The following TAB2 variants were observed in gnomAD, a reference collection of about 807,000 sequenced individuals.
The protein encoded by TAB2 is TGF-beta-activated kinase 1 and MAP3K7-binding protein 2.
Under a neutral mutation model 65.0 loss-of-function variants are expected in TAB2, and 3 were observed. The ratio of observed to expected loss-of-function variants is 0.05; its 90% CI spans 0.02 to 0.12. The LOEUF (loss-of-function observed/expected upper bound fraction) is 0.12, where lower values mean the gene tolerates loss of function less well. Among genes scored for constraint, TAB2 ranks in the 10% least tolerant of loss-of-function variants. The pLI, the probability that TAB2 is intolerant of heterozygous loss-of-function variation, is 1.00. For synonymous variants in TAB2, 298 were observed against 285.1 expected (o/e 1.05, Z -0.46); for missense variants, 623 against 840.3 (o/e 0.74, Z 3.20).
chr6:149,354,994 G>T (rs1260158727), intron 1 of TAB2, among the ~76,000 whole-genome samples: 1 of 152,126 alleles, frequency 6.6e-6, no homozygotes, highest in African/African-American at 2.4e-5. Flanking sequence ...TTTTAATTTT[G>T]ATACAGATTG....
chr6:149,280,788 C>G (rs1415732510), intron 1 of TAB2, among the ~76,000 whole-genome samples: 1 of 151,920 alleles, frequency 6.6e-6, no homozygotes, highest in Non-Finnish European at 1.5e-5. Flanking sequence ...AAAAATTAGT[C>G]AGGCCTGGTG....
intron 1 of TAB2, among the ~76,000 whole-genome samples, chr6:149,297,436 A>G (rs1778895198): frequency 6.6e-6 from 1 of 152,226 alleles, no homozygotes; most frequent in African/African-American, 2.4e-5. Flanking sequence ...GAGGAACTCA[A>G]ACTTTTTAGT....
chr6:149,402,574 A>G (rs1185872081), intron 6 of TAB2, among the ~76,000 whole-genome samples: 3 of 152,162 alleles, frequency 2.0e-5, no homozygotes, highest in Admixed American at 1.3e-4. Context: ...ATTAATACCA[A>G]CCCATCTTAA....
intron 1 of TAB2, among the ~76,000 whole-genome samples, chr6:149,275,058 A>ACT (rs1276104562): frequency 6.6e-5 from 10 of 151,294 alleles, no homozygotes; most frequent in Non-Finnish European, 1.5e-4. Context: ...AAAACAAAGA[A>ACT]CTGGAGGTGT....
At chr6:149,226,285 A>T (rs939638192) in intron 1 of TAB2, among the ~76,000 whole-genome samples, 4 of 152,206 alleles carry the variant, frequency 2.6e-5, no homozygotes, top group Admixed American at 6.5e-5. Flanking sequence ...CTGAGAGTGA[A>T]TCAAAACTTA....
intron 1 of TAB2, among the ~76,000 whole-genome samples, chr6:149,232,310 C>G (rs574483839): frequency 1.3e-5 from 2 of 152,118 alleles, no homozygotes; most frequent in Non-Finnish European, 2.9e-5. Context: ...TCACTGCAAC[C>G]TCCGCCTCCC....
upstream of TAB2, among the ~76,000 whole-genome samples, chr6:149,316,544 C>T (rs1184809346): frequency 2.0e-5 from 3 of 152,206 alleles, no homozygotes; most frequent in South Asian, 2.1e-4. Context: ...CAGAAAAATG[C>T]CCTAGTGTTT....
intron 1 of TAB2, among the ~76,000 whole-genome samples, chr6:149,364,703 T>C (rs912485988): frequency 6.7e-6 from 1 of 148,912 alleles, no homozygotes. Flanking sequence ...AATACTCTTA[T>C]CTAGTTGCCT....
At chr6:149,272,815 C>T (rs978619457) in intron 1 of TAB2, among the ~76,000 whole-genome samples, 1 of 152,188 alleles carries the variant, frequency 6.6e-6, no homozygotes, top group African/African-American at 2.4e-5. Context: ...CACGCTATTG[C>T]CACAAAATCT....
intron 3 of TAB2, among the ~76,000 whole-genome samples, chr6:149,396,935 A>G (rs1452495059): frequency 6.6e-6 from 1 of 152,216 alleles, no homozygotes; most frequent in African/African-American, 2.4e-5. Flanking sequence ...TAGACCAAAC[A>G]TGACAAACTC....
Position 149,362,915 on chromosome 6 carries a change from C to G in TAB2, c.-89-6994C>G, listed in dbSNP as rs1487935766. Among the ~76,000 whole-genome samples, 7 of 152,254 alleles carry G rather than the reference C, an allele frequency of 4.6e-5. No individual in the cohort carries two copies. The South Asian group carries it at 1.5e-3, about 32-fold the overall frequency. On this transcript the variant is annotated intron_variant, in intron 1 of 6. Transcript: ENST00000637181. The stretch of plus-strand genomic sequence containing the variant: ...CTTGTCCCCTCCCTCCCATTTCTCC[C>G]CATTTTCCCTAGTGTTAGAATTGCA...
chr6:149,378,326 T>C lies in TAB2; in HGVS notation c.411T>C (p.Phe137=). 6.2e-7 allele frequency: 1 copy of C among 1,614,222 alleles called. No individual in the cohort carries two copies. Among genetic ancestry groups the C allele is most frequent in the South Asian group, 1.1e-5 (1 of 91,088 alleles). Residue 137 remains phenylalanine (F), a synonymous_variant, in exon 3 of 7, where the codon TTT becomes TTC. Coordinates refer to ENST00000637181, the MANE Select transcript of TAB2 (RefSeq NM_001292034.3). ...QTAPAQVPQG[F]NVFGMSSSSG... is the part of the protein sequence containing the mutation. Reference sequence around the variant, plus strand: ...CACCAGCTCAAGTTCCTCAAGGCTTTAATGTTTTTGGAATGTCCAGTTCCT... The same window carrying C: ...CACCAGCTCAAGTTCCTCAAGGCTTCAATGTTTTTGGAATGTCCAGTTCCT...
intron 1 of TAB2, among the ~76,000 whole-genome samples, chr6:149,287,739 C>T (rs1447085522): frequency 6.6e-6 from 1 of 152,138 alleles, no homozygotes; most frequent in African/African-American, 2.4e-5. Flanking sequence ...TCTTAAACTG[C>T]CACATATCAC....
intron 1 of TAB2, among the ~76,000 whole-genome samples, chr6:149,338,682 C>G (rs138105133): frequency 2.6e-5 from 4 of 152,212 alleles, no homozygotes; most frequent in South Asian, 2.1e-4. Context: ...TTAACAGCAA[C>G]CTACAAGGAG....
rs73779102 is a variant in TAB2, at chr6:149,219,377, C to T, written c.-121+601C>T. ...AAGTATATAAGTAAACAGTGTCACA[C>T]TTTATAACTAACAACTGTATGTGTT... On this transcript the variant is annotated intron_variant, in intron 1 of 1. Transcript: ENST00000606202. 2.9e-3 allele frequency among the ~76,000 whole-genome samples: 442 copies of T among 151,556 alleles called. 3 individuals carry two copies. Among genetic ancestry groups the T allele is most frequent in the African/African-American group, 0.01 (416 of 41,262 alleles).
intron 1 of TAB2, among the ~76,000 whole-genome samples, chr6:149,319,931 A>G (rs1779379909): frequency 6.6e-6 from 1 of 152,220 alleles, no homozygotes; most frequent in Admixed American, 6.5e-5. Context: ...CTCATCAAAT[A>G]CATGTTTTTT....
chr6:149,280,304 G>A (rs1338235700), intron 1 of TAB2, among the ~76,000 whole-genome samples: 1 of 152,186 alleles, frequency 6.6e-6, no homozygotes, highest in African/African-American at 2.4e-5. Flanking sequence ...CATGCAGTGT[G>A]AGGGAATGCT....
At chr6:149,310,750 C>T (rs1348966169) in intron 1 of TAB2, among the ~76,000 whole-genome samples, 1 of 152,152 alleles carries the variant, frequency 6.6e-6, no homozygotes, top group Non-Finnish European at 1.5e-5. Context: ...AAATCTAACT[C>T]ATTATTCCCA....
chr6:149,269,290 T>A (rs1225072490), intron 1 of TAB2, among the ~76,000 whole-genome samples: 1 of 152,242 alleles, frequency 6.6e-6, no homozygotes, highest in Non-Finnish European at 1.5e-5. Context: ...TATTTTCTCC[T>A]ATTTGACGTG....
Sources: allele counts gnomAD v4.1 joint callset (sites outside exome capture counted in the v4.1 genomes callset), GRCh38; gene constraint gnomAD v4.1.1; transcripts MANE v1.5; gene names NCBI Gene and HGNC (gene_info 2026-07-23, HGNC 2026-07-21).